Variants in ZNF804A observed in about 807,000 individuals in gnomAD.
ZNF804A encodes zinc finger protein 804A.
A neutral mutation model predicts 16.5 loss-of-function variants in ZNF804A; 2 were observed. That is an observed-to-expected ratio of 0.12 (90% CI 0.05 to 0.38). The LOEUF (loss-of-function observed/expected upper bound fraction) is 0.38, where lower values mean the gene tolerates loss of function less well. ZNF804A is among the 10% of genes least tolerant of loss of function. ZNF804A has a pLI of 0.99. For synonymous variants in ZNF804A, 534 were observed against 489.6 expected, an observed-to-expected ratio of 1.09 and a Z score of -1.20; for missense variants, 1,473 against 1,390.7, an observed-to-expected ratio of 1.06 and a Z score of -0.94.
chr2:184,832,016 T>TA (rs942468575), intron 1 of ZNF804A, among the ~76,000 whole-genome samples: 2 of 152,064 alleles, frequency 1.3e-5, no homozygotes, highest in Non-Finnish European at 2.9e-5. Context: ...AAATAATTAA[T>TA]AAAAAATGCA....
intron 1 of ZNF804A, among the ~76,000 whole-genome samples, chr2:184,746,318 C>T (rs190426752): frequency 6.4e-4 from 97 of 151,556 alleles, no homozygotes; most frequent in African/African-American, 2.2e-3. Context: ...ATTAACTAAT[C>T]TGCCTTTATC....
At chr2:184,625,935 C>G (rs1691488458) in intron 1 of ZNF804A, among the ~76,000 whole-genome samples, 2 of 152,132 alleles carry the variant, frequency 1.3e-5, no homozygotes, top group African/African-American at 4.8e-5. Flanking sequence ...GTGGCATGAT[C>G]TCTGCTCAGT....
intron 1 of ZNF804A, among the ~76,000 whole-genome samples, chr2:184,674,437 A>C (rs1016315605): frequency 7.9e-5 from 12 of 152,010 alleles, no homozygotes; most frequent in Non-Finnish European, 1.3e-4. Context: ...TCACAAATAA[A>C]AAAGAGAACA....
chr2:184,811,554 T>C (rs548977490), intron 1 of ZNF804A, among the ~76,000 whole-genome samples: 1 of 152,102 alleles, frequency 6.6e-6, no homozygotes, highest in African/African-American at 2.4e-5. Flanking sequence ...TGGGATAGAA[T>C]TTAAATATTG....
At chr2:184,733,994 C>T (rs1284138698) in intron 1 of ZNF804A, among the ~76,000 whole-genome samples, 4 of 151,612 alleles carry the variant, frequency 2.6e-5, no homozygotes, top group Non-Finnish European at 4.4e-5. Flanking sequence ...GTTTTCTTTA[C>T]TGATTTTAGC....
chr2:184,753,741 A>T (rs1693912098), intron 1 of ZNF804A, among the ~76,000 whole-genome samples: 1 of 151,848 alleles, frequency 6.6e-6, no homozygotes, highest in Admixed American at 6.6e-5. Flanking sequence ...CAGACACTCA[A>T]AAAAATCAGA....
rs1475844037 is a variant in ZNF804A, at chr2:184,598,770, C to A, written c.-190C>A. ...CTGAGGGGAGAGCGCGGCGAGCATG[C>A]GGAGGCGGGGGAGCCTCGGCGCTCA... On this transcript the variant is annotated 5_prime_UTR_variant, in exon 1 of 4. Coordinates refer to ENST00000302277, the MANE Select transcript of ZNF804A (RefSeq NM_194250.2). 1 of 375,560 alleles carries A rather than the reference C, an allele frequency of 2.7e-6. No individual in the cohort carries two copies. The highest frequency in any genetic ancestry group is 4.7e-6 in the Non-Finnish European group (1 of 213,756). The allele number at this position is 375,560 out of a possible 1,614,324, so 23.3% of individuals were successfully genotyped here.
At chr2:184,799,304 T>C (rs1304841807) in intron 1 of ZNF804A, among the ~76,000 whole-genome samples, 3 of 152,002 alleles carry the variant, frequency 2.0e-5, no homozygotes, top group Non-Finnish European at 2.9e-5. Flanking sequence ...GATGCACCGA[T>C]TGATTTTTTT....
intron 1 of ZNF804A, among the ~76,000 whole-genome samples, chr2:184,853,035 G>A (rs2105805070): frequency 6.6e-6 from 1 of 151,742 alleles, no homozygotes; most frequent in East Asian, 1.9e-4. Context: ...ACTTTGCCTA[G>A]GATGAATATT....
At chr2:184,738,278 CT>C (rs1447102709) in intron 1 of ZNF804A, among the ~76,000 whole-genome samples, 1 of 151,598 alleles carries the variant, frequency 6.6e-6, no homozygotes, top group African/African-American at 2.4e-5. Flanking sequence ...ATGAGCACTG[CT>C]AAAAAAAAAG....
At chr2:184,875,325 A>G (rs1220017343) in intron 2 of ZNF804A, among the ~76,000 whole-genome samples, 1 of 152,136 alleles carries the variant, frequency 6.6e-6, no homozygotes, top group Non-Finnish European at 1.5e-5. Flanking sequence ...TCCTTTATGA[A>G]TGGCTTGGTG....
chr2:184,905,093 CTGTGTG>C (rs59253076), intron 2 of ZNF804A, among the ~76,000 whole-genome samples: 17 of 150,384 alleles, frequency 1.1e-4, no homozygotes, highest in African/African-American at 3.7e-4. Context: ...ATTAGAGTGT[CTGTGTG>C]TGTGTGTGTG....
chr2:184,881,830 A>G (rs1684814100), intron 2 of ZNF804A, among the ~76,000 whole-genome samples: 1 of 152,076 alleles, frequency 6.6e-6, no homozygotes, highest in African/African-American at 2.4e-5. Flanking sequence ...ATTAGCCACT[A>G]CAAAAACACA....
At chr2:184,802,509 A>G (rs1231971146) in intron 1 of ZNF804A, among the ~76,000 whole-genome samples, 1 of 152,172 alleles carries the variant, frequency 6.6e-6, no homozygotes, top group African/African-American at 2.4e-5. Flanking sequence ...AAACACAACT[A>G]ATTTATCAAA....
chr2:184,898,035 A>G (rs1193382276), intron 2 of ZNF804A, among the ~76,000 whole-genome samples: 1 of 152,128 alleles, frequency 6.6e-6, no homozygotes, highest in African/African-American at 2.4e-5. Context: ...TTATTTTCTT[A>G]CTGTAGAGGT....
chr2:184,862,884 TA>T (rs577453530), intron 1 of ZNF804A, among the ~76,000 whole-genome samples: 97 of 152,222 alleles, frequency 6.4e-4, no homozygotes, highest in African/African-American at 2.3e-3. Flanking sequence ...TTGATGACAA[TA>T]AAAAATGATT....
At chr2:184,874,330 T>C (rs998144418) in intron 2 of ZNF804A, among the ~76,000 whole-genome samples, 1 of 152,152 alleles carries the variant, frequency 6.6e-6, no homozygotes, top group African/African-American at 2.4e-5. Flanking sequence ...ATCAGAGTTA[T>C]TCAACTTAGT....
At chr2:184,782,408 A>T (rs1167741515) in intron 1 of ZNF804A, among the ~76,000 whole-genome samples, 2 of 151,620 alleles carry the variant, frequency 1.3e-5, no homozygotes, top group East Asian at 3.9e-4. Context: ...ATCAGCTGCC[A>T]GCATGGCTAG....
At chr2:184,877,992 A>G (rs926575215) in intron 2 of ZNF804A, among the ~76,000 whole-genome samples, 55 of 152,264 alleles carry the variant, frequency 3.6e-4, no homozygotes, top group African/African-American at 1.3e-3. Flanking sequence ...TTACAAAGAT[A>G]CAAAGAAAGT....
Sources: gnomAD v4.1 joint callset for allele counts (sites outside exome capture counted in the v4.1 genomes callset) on GRCh38, gnomAD v4.1.1 for gene constraint, MANE v1.5 for transcripts, NCBI Gene and HGNC (gene_info 2026-07-23, HGNC 2026-07-21) for gene names.